Variants in ARHGAP6 observed in about 807,000 individuals in gnomAD.
ARHGAP6 encodes rho GTPase-activating protein 6.
A neutral mutation model predicts 55.7 loss-of-function variants in ARHGAP6; 16 were observed. The observed-to-expected ratio is 0.29, with a 90% CI of 0.19 to 0.44. The LOEUF is 0.44. ARHGAP6 is among the 20% of genes least tolerant of loss of function. The pLI, the probability that ARHGAP6 is intolerant of heterozygous loss-of-function variation, is 1.00. For missense variants in ARHGAP6, 698 were observed against 808.9 expected (o/e 0.86, Z 1.66); for synonymous variants, 382 against 360.9 (o/e 1.06, Z -0.66).
chrX:11,265,777 TA>T (rs1244457026), intron 1 of ARHGAP6: 5 of 928,221 alleles, frequency 5.4e-6, no homozygotes, highest in East Asian at 9.1e-5. Flanking sequence ...TTAAAAAAAT[TA>T]TTTTTTTGGT....
intron 1 of ARHGAP6, among the ~76,000 whole-genome samples, chrX:11,498,609 C>T (rs2050646552): frequency 9.0e-6 from 1 of 111,523 alleles, no homozygotes; most frequent in Admixed American, 9.6e-5. Flanking sequence ...ACCATAAGAT[C>T]TTAGGCTACT....
In ARHGAP6 at chrX:11,665,102, C is replaced by T. The variant is rs902619170; in HGVS notation, c.-274G>A. Reference sequence around the variant, plus strand: ...TAGAACCTTCCTCCGGAGCCCAAGACGCGAAGAGGGTCAGGAAGAGGAGGA... The same window carrying T: ...TAGAACCTTCCTCCGGAGCCCAAGATGCGAAGAGGGTCAGGAAGAGGAGGA... On this transcript the variant is annotated 5_prime_UTR_variant, in exon 1 of 13. Transcript: ENST00000337414. The T allele has an allele frequency of 6.5e-5, 19 of 291,039 alleles. No individual in the cohort carries two copies. The East Asian group carries it at 9.7e-4, about 15-fold the overall frequency. 24.0% of individuals were successfully genotyped at this position (291,039 alleles called of 1,213,427 possible).
At chrX:11,297,398 G>T (rs1278008675) in intron 1 of ARHGAP6, among the ~76,000 whole-genome samples, 2 of 111,725 alleles carry the variant, frequency 1.8e-5, no homozygotes, top group Non-Finnish European at 3.8e-5. Context: ...TGGAACCCTG[G>T]TTTCCTCATC....
In ARHGAP6 at chrX:11,508,887, C is replaced by T. The variant is rs555374118; in HGVS notation, c.588+155354G>A. ...CACACACACACACACACACATATCA[C>T]GCATCACACATGCGATCTATATGGT... On this transcript the variant is annotated intron_variant, in intron 1 of 12. Coordinates refer to ENST00000337414, the MANE Select transcript of ARHGAP6 (RefSeq NM_013427.3). Among the ~76,000 whole-genome samples the T allele has an allele frequency of 1.1e-3, 115 of 105,547 alleles. 1 individual carries two copies. Among genetic ancestry groups the T allele is most frequent in the Admixed American group, 0.01 (101 of 9,759 alleles). 91.7% of individuals were successfully genotyped at this position (105,547 alleles called of 115,157 possible).
At chrX:11,232,468 CACA>C (rs2047145680) in intron 2 of ARHGAP6, among the ~76,000 whole-genome samples, 1 of 107,269 alleles carries the variant, frequency 9.3e-6, no homozygotes, top group African/African-American at 3.4e-5. Flanking sequence ...TAAAAATACA[CACA>C]AAAAAAAAAA....
At position 11,365,053 on chromosome X, in the gene ARHGAP6, G is replaced by A. The variant is rs190130321; in HGVS notation, c.589-110346C>T. ...TGTCACAGCATGTGGCCCAATTCCCGCCTATGAAATATGAAGCTTCCGGGA... is the reference window on the plus strand; with the variant it reads ...TGTCACAGCATGTGGCCCAATTCCCACCTATGAAATATGAAGCTTCCGGGA... On this transcript the variant is annotated intron_variant, in intron 1 of 12. Coordinates refer to ENST00000337414, the MANE Select transcript of ARHGAP6 (RefSeq NM_013427.3). Among the ~76,000 whole-genome samples the A allele has an allele frequency of 7.2e-5, 8 of 111,654 alleles. No individual in the cohort carries two copies. The East Asian group carries it at 1.1e-3, about 16-fold the overall frequency.
chrX:11,442,313 T>TA (rs777850004), intron 1 of ARHGAP6, among the ~76,000 whole-genome samples: 3,908 of 99,647 alleles, frequency 0.039, 60 homozygotes, highest in Middle Eastern at 0.1. Context: ...ACCCTCTTCT[T>TA]AAAAAAAAAA....
intron 1 of ARHGAP6, among the ~76,000 whole-genome samples, chrX:11,363,183 G>C (rs986890070): frequency 1.2e-4 from 13 of 112,273 alleles, no homozygotes; most frequent in African/African-American, 4.2e-4. Flanking sequence ...TGGAGCCACA[G>C]TATGCTAAGG....
At chrX:11,403,400 G>A (rs981151912) in intron 1 of ARHGAP6, among the ~76,000 whole-genome samples, 43 of 112,132 alleles carry the variant, frequency 3.8e-4, no homozygotes, top group African/African-American at 1.1e-3. Context: ...GAATTAAAAT[G>A]TGCTGTAAGT....
intron 1 of ARHGAP6, among the ~76,000 whole-genome samples, chrX:11,422,180 G>A (rs2049830681): frequency 9.0e-6 from 1 of 110,985 alleles, no homozygotes; most frequent in East Asian, 2.8e-4. Flanking sequence ...TATGATCCAG[G>A]GTAACTGAGT....
chrX:11,388,031 T>A lies in ARHGAP6; in HGVS notation c.589-133324A>T, dbSNP rs746479799. 1.1e-3 allele frequency among the ~76,000 whole-genome samples: 123 copies of A among 112,128 alleles called. 1 individual carries two copies. Among genetic ancestry groups the A allele is most frequent in the African/African-American group, 3.9e-3 (121 of 30,848 alleles). ...ATAAACATACGTGTGCATGTGTCTT[T>A]ATAACAGCATGATTTATAATCCTTT... On this transcript the variant is annotated intron_variant, in intron 1 of 12. Transcript: ENST00000337414.
At chrX:11,261,942 T>C (rs931358505) in intron 1 of ARHGAP6, among the ~76,000 whole-genome samples, 1 of 111,933 alleles carries the variant, frequency 8.9e-6, no homozygotes, top group African/African-American at 3.2e-5. Context: ...AGTGCAGAAG[T>C]TGAGAAACCT....
chrX:11,472,282 G>A (rs1460547029), intron 1 of ARHGAP6, among the ~76,000 whole-genome samples: 1 of 111,321 alleles, frequency 9.0e-6, no homozygotes, highest in Non-Finnish European at 1.9e-5. Context: ...TTTGCCCTGG[G>A]GAGACAAAAT....
Position 11,152,073 on chromosome X carries a change from T to C in ARHGAP6, c.1907+4456A>G, listed in dbSNP as rs1301445471. Among the ~76,000 whole-genome samples the C allele has an allele frequency of 4.5e-5, 5 of 112,192 alleles. No individual in the cohort carries two copies. In the Admixed American group the frequency reaches 4.7e-4, roughly 11 times the overall value. The stretch of plus-strand genomic sequence containing the variant: ...GTGATGTTTATGATATACCAGACTA[T>C]ACACTAAGAGCATAATTCTGTATTT... On this transcript the variant is annotated intron_variant, in intron 10 of 12. Transcript: ENST00000337414.
chrX:11,651,605 G>A, intron 1 of ARHGAP6, among the ~76,000 whole-genome samples: 1 of 111,805 alleles, frequency 8.9e-6, no homozygotes. Context: ...GAACAGGGAT[G>A]TGCATGTATC....
chrX:11,150,487 C>A (rs1484095818), intron 10 of ARHGAP6, among the ~76,000 whole-genome samples: 1 of 111,394 alleles, frequency 9.0e-6, no homozygotes, highest in Admixed American at 9.6e-5. Context: ...AAAGAAGATA[C>A]ATTCGAACCT....
At chrX:11,237,584 G>T (rs1832750649) in intron 2 of ARHGAP6, among the ~76,000 whole-genome samples, 1 of 111,361 alleles carries the variant, frequency 9.0e-6, no homozygotes, top group African/African-American at 3.3e-5. Flanking sequence ...TAGCCTAAAA[G>T]GAAGGTCCTA....
rs145660926 is a variant in ARHGAP6, at chrX:11,551,356, A to C, written c.588+112885T>G. ...ACAGGCTAATTGCCAGCAAATTAGA[A>C]AATTCCATCTGTTAGAACCTCTCAC... On this transcript the variant is annotated intron_variant, in intron 1 of 12. Coordinates refer to ENST00000337414, the MANE Select transcript of ARHGAP6 (RefSeq NM_013427.3). 3.3e-3 allele frequency among the ~76,000 whole-genome samples: 368 copies of C among 112,034 alleles called. 1 individual carries two copies. Among genetic ancestry groups the C allele is most frequent in the African/African-American group, 0.011 (345 of 30,884 alleles).
At chrX:11,187,715 G>T (rs1291919387) in intron 4 of ARHGAP6, among the ~76,000 whole-genome samples, 3 of 111,803 alleles carry the variant, frequency 2.7e-5, no homozygotes, top group African/African-American at 9.8e-5. Context: ...AACAGCTGGA[G>T]GTGGCAAAAA....
Sources: gnomAD v4.1 joint callset for allele counts (sites outside exome capture counted in the v4.1 genomes callset) on GRCh38, gnomAD v4.1.1 for gene constraint, MANE v1.5 for transcripts, NCBI Gene and HGNC (gene_info 2026-07-23, HGNC 2026-07-21) for gene names.